The following FMNL3 variants were observed in gnomAD, a reference collection of about 807,000 sequenced individuals.
FMNL3 encodes formin-like protein 3.
FMNL3 carries 57 observed loss-of-function variants against 119.6 expected under a neutral mutation model. That is an observed-to-expected ratio of 0.48 (90% CI 0.39 to 0.59). FMNL3 has a LOEUF of 0.59. Among genes scored for constraint, FMNL3 ranks in the 20% least tolerant of loss-of-function variants. The pLI, the probability that FMNL3 is intolerant of heterozygous loss-of-function variation, is 0.00. For synonymous variants in FMNL3, 491 were observed against 507.3 expected (o/e 0.97, Z 0.43); for missense variants, 1,053 against 1,323.5 (o/e 0.80, Z 3.17).
intron 17 of FMNL3, among the ~76,000 whole-genome samples, chr12:49,650,447 T>C (rs1310089435): frequency 3.3e-5 from 5 of 152,240 alleles, no homozygotes; most frequent in Non-Finnish European, 5.9e-5. Context: ...CCTGGTGGTA[T>C]CACTCAGTGT....
Position 49,642,747 on chromosome 12 carries a change from G to C in FMNL3, c.*3068C>G. The C allele has an allele frequency of 1.3e-6, 2 of 1,524,662 alleles. No homozygotes were observed. Among genetic ancestry groups the C allele is most frequent in the East Asian group, 4.8e-5 (2 of 41,792 alleles). 94.4% of individuals were successfully genotyped at this position (1,524,662 alleles called of 1,614,324 possible). A position where few individuals can be genotyped will look rare whatever the true frequency, so the allele number is the denominator to read the frequency against. On this transcript the variant is annotated 3_prime_UTR_variant, in exon 26 of 26. Coordinates refer to ENST00000335154, the MANE Select transcript of FMNL3 (RefSeq NM_175736.5). This position sits in a 1 kb window ranked among gnomAD's most constrained non-coding sequence, Gnocchi z 5.8. ...TTAGACCAGTTCAACAGAGACCTCAGTGGCCTCCCTCTTACCCTTAGGGCA... is the reference window on the plus strand; with the variant it reads ...TTAGACCAGTTCAACAGAGACCTCACTGGCCTCCCTCTTACCCTTAGGGCA...
chr12:49,648,110 A>G, intron 22 of FMNL3, 83 bp downstream of exon 22: 2 of 1,486,946 alleles, frequency 1.3e-6, no homozygotes, highest in Non-Finnish European at 8.9e-7. Context: ...GATTTAAAAA[A>G]AAAAAAAAAT....
At chr12:49,705,842 T>C (rs567314303) in intron 1 of FMNL3, among the ~76,000 whole-genome samples, 1 of 152,204 alleles carries the variant, frequency 6.6e-6, no homozygotes, top group Non-Finnish European at 1.5e-5. Flanking sequence ...CTGGTGCCAG[T>C]GGGCTGATGT....
rs750242259 is a variant in FMNL3, at chr12:49,649,446, C to A, written c.2304+24G>T. On this transcript the variant is annotated intron_variant, in intron 19 of 25. Coordinates refer to ENST00000335154, the MANE Select transcript of FMNL3 (RefSeq NM_175736.5). This position sits in a 1 kb window ranked among gnomAD's most constrained non-coding sequence, Gnocchi z 5.6. Reference sequence around the variant, plus strand: ...ACCTAGGACCTGAAAACCCCCAGCACCCCTGTTCACAACCTCTTCCCACCT... The same window carrying A: ...ACCTAGGACCTGAAAACCCCCAGCAACCCTGTTCACAACCTCTTCCCACCT... 21 of 1,613,852 alleles carry A rather than the reference C, an allele frequency of 1.3e-5. No homozygotes were observed. The South Asian group carries it at 1.6e-4, about 13-fold the overall frequency.
In FMNL3 at chr12:49,636,957, T is replaced by A; in HGVS notation, c.*8858A>T. 6.6e-7 allele frequency: 1 copy of A among 1,523,544 alleles called. No individual in the cohort carries two copies. Among genetic ancestry groups the A allele is most frequent in the Non-Finnish European group, 8.9e-7 (1 of 1,123,588 alleles). The allele number at this position is 1,523,544 out of a possible 1,614,324, so 94.4% of individuals were successfully genotyped here. On this transcript the variant is annotated 3_prime_UTR_variant, in exon 26 of 26. Coordinates refer to ENST00000335154, the MANE Select transcript of FMNL3 (RefSeq NM_175736.5). ...ATACGCTGCCTGTTCTTTCTGTGCC[T>A]AGCCCTGTCCAAGCTCTATGAGACC... is the stretch of plus-strand genomic sequence containing the variant.
At chr12:49,652,400 A>G (rs1002881585) in intron 13 of FMNL3, among the ~76,000 whole-genome samples, 188 bp from the exon 14 acceptor site, 6 of 152,222 alleles carry the variant, frequency 3.9e-5, no homozygotes, top group Non-Finnish European at 7.3e-5. Flanking sequence ...AGAGGCAAGC[A>G]GAAGCTGCCT....
At chr12:49,668,651 G>C in intron 1 of FMNL3, 97 bp from the exon 2 acceptor site, 1 of 1,024,912 alleles carries the variant, frequency 9.8e-7, no homozygotes, top group Non-Finnish European at 1.5e-6. Flanking sequence ...TGGGCCCTCA[G>C]ACTTCACCCT....
In FMNL3 at chr12:49,643,902, C is replaced by G. The variant is rs1030494775; in HGVS notation, c.*1913G>C. ...AGACAGACCCTGAGGAGAAAGCTGG[C>G]AAGGAGAGCGATGAGAAAGAACAAG... On this transcript the variant is annotated 3_prime_UTR_variant, in exon 26 of 26. Transcript: ENST00000335154. 2 of 1,614,024 alleles carry G rather than the reference C, an allele frequency of 1.2e-6. No homozygotes were observed. The highest frequency in any genetic ancestry group is 1.7e-6 in the Non-Finnish European group (2 of 1,180,034).
At chr12:49,705,763 C>T (rs1280913214) in intron 1 of FMNL3, among the ~76,000 whole-genome samples, 1 of 152,234 alleles carries the variant, frequency 6.6e-6, no homozygotes, top group East Asian at 1.9e-4. Flanking sequence ...CTTCGCAGAG[C>T]TGGCGGGCAG....
At chr12:49,703,936 T>A (rs995307883) in intron 1 of FMNL3, among the ~76,000 whole-genome samples, 2 of 152,174 alleles carry the variant, frequency 1.3e-5, no homozygotes, top group Admixed American at 6.5e-5. Context: ...AGACTGGATA[T>A]ACACAACAGG....
rs762657739 is a variant in FMNL3, at chr12:49,642,588, G to A, written c.*3227C>T. 1.2e-6 allele frequency: 2 copies of A among 1,614,136 alleles called. No individual in the cohort carries two copies. The highest frequency in any genetic ancestry group is 2.2e-5 in the South Asian group (2 of 91,090). The stretch of plus-strand genomic sequence containing the variant: ...TGCTCTCCTCGTTCAAGGTCCGTGA[G>A]CGTTTTGTGTGTGACTCAGCCTTTG... On this transcript the variant is annotated 3_prime_UTR_variant, in exon 26 of 26. Coordinates refer to ENST00000335154, the MANE Select transcript of FMNL3 (RefSeq NM_175736.5). The surrounding 1 kb of genome is among the most constrained non-coding windows in gnomAD (Gnocchi z 5.8).
At chr12:49,659,556 G>A (rs1943672988) in intron 5 of FMNL3, among the ~76,000 whole-genome samples, 1 of 152,070 alleles carries the variant, frequency 6.6e-6, no homozygotes, top group African/African-American at 2.4e-5. Flanking sequence ...GACTACAGGT[G>A]CGTGCCACCA....
intron 7 of FMNL3, 38 bp from the exon 8 acceptor site, chr12:49,656,937 TG>T: frequency 6.3e-7 from 1 of 1,584,442 alleles, no homozygotes; most frequent in Non-Finnish European, 8.7e-7. Context: ...ACCTTGATGG[TG>T]GGGAAGGGGG....
intron 1 of FMNL3, among the ~76,000 whole-genome samples, chr12:49,689,007 C>T (rs1944537260): frequency 6.6e-6 from 1 of 152,136 alleles, no homozygotes; most frequent in Non-Finnish European, 1.5e-5. Context: ...AATCTCAGCA[C>T]TTTGGGAGGC....
Position 49,642,349 on chromosome 12 carries a change from G to C in FMNL3, c.*3466C>G. 6.2e-7 allele frequency: 1 copy of C among 1,613,960 alleles called. No individual in the cohort carries two copies. ...GCTGAGGCAGGCTGTGCCTGCTCTG[G>C]AGCTAGGCACTGCCTGGGAAGAGGT... On this transcript the variant is annotated 3_prime_UTR_variant, in exon 26 of 26. Transcript: ENST00000335154. The surrounding 1 kb of genome is among the most constrained non-coding windows in gnomAD (Gnocchi z 5.8).
intron 2 of FMNL3, among the ~76,000 whole-genome samples, chr12:49,667,128 G>A (rs1444383614): frequency 6.6e-6 from 1 of 152,128 alleles, no homozygotes. Flanking sequence ...GACCCAAAAA[G>A]AAACTCAGGG....
intron 4 of FMNL3, among the ~76,000 whole-genome samples, chr12:49,662,751 A>G (rs1438037140): frequency 6.6e-6 from 1 of 152,184 alleles, no homozygotes; most frequent in Non-Finnish European, 1.5e-5. Flanking sequence ...TAGACAACAA[A>G]GCACCTAAGG....
At chr12:49,676,130 G>T (rs1944178370) in intron 1 of FMNL3, among the ~76,000 whole-genome samples, 1 of 152,114 alleles carries the variant, frequency 6.6e-6, no homozygotes, top group African/African-American at 2.4e-5. Context: ...AGAATAAAAT[G>T]GCAGAGACCT....
At position 49,638,469 on chromosome 12, in the gene FMNL3, G is replaced by GC. The variant is rs1942153706; in HGVS notation, c.*7345dup. On this transcript the variant is annotated 3_prime_UTR_variant, in exon 26 of 26. Transcript: ENST00000335154. ...TCCTTAGTGCCTTCTTGATACTGTC[G>GC]CAAGTGTCAGCTGCCATTTACCATC... The GC allele has an allele frequency of 6.6e-6, 1 of 152,284 alleles. No homozygotes were observed. The highest frequency in any genetic ancestry group is 2.1e-4 in the South Asian group (1 of 4,824). 9.4% of individuals were successfully genotyped at this position (152,284 alleles called of 1,614,324 possible). A position where few individuals can be genotyped will look rare whatever the true frequency, so the allele number is the denominator to read the frequency against.
Sources: gnomAD v4.1 joint callset for allele counts (sites outside exome capture counted in the v4.1 genomes callset) on GRCh38, gnomAD v4.1.1 for gene constraint, Gnocchi (gnomAD v3.1) non-coding constraint, MANE v1.5 for transcripts, NCBI Gene and HGNC (gene_info 2026-07-23, HGNC 2026-07-21) for gene names.